IFNGR2: variants seen among roughly 807,000 people sequenced by gnomAD.
The protein encoded by IFNGR2 is interferon gamma receptor 2.
A neutral mutation model predicts 41.1 loss-of-function variants in IFNGR2; 15 were observed. The ratio of observed to expected loss-of-function variants is 0.37; its 90% CI spans 0.24 to 0.56. IFNGR2 has a LOEUF of 0.56. Ranked by LOEUF, IFNGR2 falls within the 20% of genes least tolerant of loss-of-function variation. The pLI is 0.81. For missense variants in IFNGR2, 362 were observed against 415.7 expected, an observed-to-expected ratio of 0.87 and a Z score of 1.12; for synonymous variants, 161 against 171.6, an observed-to-expected ratio of 0.94 and a Z score of 0.48.
chr21:33,428,800 C>T (rs897608839), intron 4 of IFNGR2, among the ~76,000 whole-genome samples: 3 of 152,198 alleles, frequency 2.0e-5, no homozygotes, highest in Admixed American at 6.5e-5. Flanking sequence ...TTTCTTCACT[C>T]GAGGGCACCG....
upstream of IFNGR2, chr21:33,403,312 C>G (rs1240768007): frequency 8.7e-6 from 1 of 114,732 alleles, no homozygotes; most frequent in African/African-American, 3.9e-5. Flanking sequence ...GTTCCCGGAG[C>G]GGGAAAGTCC....
intron 6 of IFNGR2, among the ~76,000 whole-genome samples, chr21:33,436,463 C>T (rs1248484715): frequency 3.3e-5 from 5 of 152,200 alleles, no homozygotes; most frequent in African/African-American, 4.8e-5. Flanking sequence ...TGGCTCACGC[C>T]TATAATCCCA....
At chr21:33,432,678 A>C in intron 5 of IFNGR2, 36 bp from the exon 6 acceptor site, 1 of 1,609,648 alleles carries the variant, frequency 6.2e-7, no homozygotes, top group Non-Finnish European at 8.5e-7. Context: ...TGTGCGTAGG[A>C]AGATCATTCT....
intron 2 of IFNGR2, among the ~76,000 whole-genome samples, chr21:33,415,629 G>A (rs1011024087): frequency 6.6e-6 from 1 of 152,220 alleles, no homozygotes. Flanking sequence ...GAAGAGTAAG[G>A]TGAAGTTATT....
At chr21:33,405,116 A>G (rs901621677) in intron 1 of IFNGR2, among the ~76,000 whole-genome samples, 1 of 151,664 alleles carries the variant, frequency 6.6e-6, no homozygotes, top group East Asian at 1.9e-4. Context: ...AAAAAAAAAA[A>G]AAAAAAAGAA....
intron 4 of IFNGR2, among the ~76,000 whole-genome samples, chr21:33,427,303 G>A (rs995580267): frequency 3.3e-5 from 5 of 152,218 alleles, no homozygotes; most frequent in South Asian, 2.1e-4. Flanking sequence ...AGACTTTGCC[G>A]GTGCCCTGCT....
intron 3 of IFNGR2, among the ~76,000 whole-genome samples, 188 bp downstream of exon 3, chr21:33,421,873 T>G (rs1214253797): frequency 6.6e-6 from 1 of 151,824 alleles, no homozygotes; most frequent in African/African-American, 2.4e-5. Flanking sequence ...AAACCAGGGG[T>G]TGGCCAACTA....
intron 4 of IFNGR2, among the ~76,000 whole-genome samples, chr21:33,430,745 G>A (rs1404016402): frequency 1.3e-5 from 2 of 152,144 alleles, no homozygotes; most frequent in Non-Finnish European, 2.9e-5. Flanking sequence ...GAGCCACCAT[G>A]CCTGGCCTAT....
Position 33,426,786 on chromosome 21 carries a change from T to C in IFNGR2, c.413-98T>C, listed in dbSNP as rs2083839879. On this transcript the variant is annotated intron_variant, in intron 3 of 6. Coordinates refer to ENST00000290219, the MANE Select transcript of IFNGR2 (RefSeq NM_005534.4). ...TATATATCTACACCCACTATATATA[T>C]ATATATACATATATATATAGCATTA... The C allele has an allele frequency of 1.6e-5, 10 of 633,682 alleles. No homozygotes were observed. The South Asian group carries it at 2.4e-4, about 15-fold the overall frequency. 39.3% of individuals were successfully genotyped at this position (633,682 alleles called of 1,614,324 possible). A position where few individuals can be genotyped will look rare whatever the true frequency, so the allele number is the denominator to read the frequency against.
chr21:33,418,230 T>C (rs914490739), intron 2 of IFNGR2, among the ~76,000 whole-genome samples: 10 of 152,092 alleles, frequency 6.6e-5, no homozygotes, highest in Non-Finnish European at 1.3e-4. Context: ...CTGATTTTTA[T>C]ATTTTTAGTA....
At chr21:33,414,727 G>T (rs112287416) in intron 1 of IFNGR2, among the ~76,000 whole-genome samples, 161 bp from the exon 2 acceptor site, 2 of 152,244 alleles carry the variant, frequency 1.3e-5, no homozygotes, top group African/African-American at 4.8e-5. Context: ...AAAGTCGGGG[G>T]TGTGGGGCCA....
At chr21:33,408,139 C>G (rs1444292915) in intron 1 of IFNGR2, among the ~76,000 whole-genome samples, 1 of 152,030 alleles carries the variant, frequency 6.6e-6, no homozygotes, top group Non-Finnish European at 1.5e-5. Context: ...ATTTTATTAT[C>G]TGTGTGTGAT....
chr21:33,414,626 G>A lies in IFNGR2; in HGVS notation c.74-262G>A, dbSNP rs534776843. ...AGACTCCAGGGCCCAGGACCTGTTC[G>A]TAACAACTGGGACCTGCAGGTGGAA... On this transcript the variant is annotated intron_variant, in intron 1 of 6. Coordinates refer to ENST00000290219, the MANE Select transcript of IFNGR2 (RefSeq NM_005534.4). Among the ~76,000 whole-genome samples, 6 of 152,278 alleles carry A rather than the reference G, an allele frequency of 3.9e-5. No homozygotes were observed. The South Asian group carries it at 6.2e-4, about 16-fold the overall frequency.
chr21:33,408,786 A>G (rs2083695638), intron 1 of IFNGR2, among the ~76,000 whole-genome samples: 1 of 152,226 alleles, frequency 6.6e-6, no homozygotes, highest in South Asian at 2.1e-4. Flanking sequence ...AATATTTTTA[A>G]ATGTTATAGG....
intron 3 of IFNGR2, among the ~76,000 whole-genome samples, chr21:33,426,110 T>A (rs1015427350): frequency 6.7e-6 from 1 of 149,688 alleles, no homozygotes; most frequent in Non-Finnish European, 1.5e-5. Flanking sequence ...GCAACACTTC[T>A]CAGTTATTGT....
At chr21:33,414,768 G>A (rs2083742116) in intron 1 of IFNGR2, 120 bp from the exon 2 acceptor site, 3 of 1,230,438 alleles carry the variant, frequency 2.4e-6, no homozygotes, top group African/African-American at 1.5e-5. Flanking sequence ...TGCCATTTCT[G>A]CACTTTGACA....
intron 1 of IFNGR2, among the ~76,000 whole-genome samples, chr21:33,412,651 G>A (rs1193756563): frequency 6.6e-6 from 1 of 152,190 alleles, no homozygotes; most frequent in Non-Finnish European, 1.5e-5. Context: ...CGCCTCCCGG[G>A]TTCAAGCGAT....
chr21:33,417,913 AC>A (rs1444826509), intron 2 of IFNGR2, among the ~76,000 whole-genome samples: 1 of 151,834 alleles, frequency 6.6e-6, no homozygotes, highest in Non-Finnish European at 1.5e-5. Flanking sequence ...AAAAAAAAAA[AC>A]CTTTGATAGA....
At position 33,432,890 on chromosome 21, in the gene IFNGR2, C is replaced by CTT. The variant is rs143248516; in HGVS notation, c.879+31_879+32dup. On this transcript the variant is annotated intron_variant, in intron 6 of 6. Coordinates refer to ENST00000290219, the MANE Select transcript of IFNGR2 (RefSeq NM_005534.4). ...AGAAGAGGTACGTGTGCACACATCT[C>CTT]TTTTTTTTTTTTTGAGACAGGGTCT... 5.1e-3 allele frequency: 7,441 copies of CTT among 1,472,242 alleles called. No individual in the cohort carries two copies. The highest frequency in any genetic ancestry group is 5.7e-3 in the Non-Finnish European group (6,088 of 1,074,232). The allele number at this position is 1,472,242 out of a possible 1,614,324, so 91.2% of individuals were successfully genotyped here.
Sources: allele counts gnomAD v4.1 joint callset (sites outside exome capture counted in the v4.1 genomes callset), GRCh38; gene constraint gnomAD v4.1.1; transcripts MANE v1.5; gene names NCBI Gene and HGNC (gene_info 2026-07-23, HGNC 2026-07-21).